Variants in KANK1 observed in about 807,000 individuals in gnomAD.
KANK1 encodes the protein KN motif and ankyrin repeat domain-containing protein 1.
KANK1 carries 109 observed loss-of-function variants against 106.2 expected under a neutral mutation model. That is an observed-to-expected ratio of 1.03 (90% confidence interval 0.88 to 1.20). The LOEUF (loss-of-function observed/expected upper bound fraction) is 1.20, where lower values mean the gene tolerates loss of function less well. Among genes scored for constraint, KANK1 ranks in the 50% most tolerant of loss-of-function variants. The pLI is 0.00. For synonymous variants in KANK1, 873 were observed against 652.2 expected (o/e 1.34, Z -5.16); for missense variants, 2,399 against 1,710.7 (o/e 1.40, Z -7.10).
chr9:580,757 G>A lies in KANK1; in HGVS notation c.-84+76003G>A, dbSNP rs191744984. ...GCAGGCGGAGCTGCCTGCCAGTCCC[G>A]CGCTGTGCGCCCGCACTCCTGAGCC... On this transcript the variant is annotated intron_variant, in intron 1 of 11. Transcript: ENST00000382297. Among the ~76,000 whole-genome samples the A allele has an allele frequency of 3.7e-3, 568 of 152,374 alleles. 3 individuals carry two copies. The highest frequency in any genetic ancestry group is 0.013 in the African/African-American group (545 of 41,594).
At chr9:697,225 A>C (rs938997463) in intron 2 of KANK1, among the ~76,000 whole-genome samples, 1 of 152,012 alleles carries the variant, frequency 6.6e-6, no homozygotes, top group Non-Finnish European at 1.5e-5. Context: ...CATTCTGTAG[A>C]ATGTGTTTCA....
chr9:640,961 C>A (rs1017082885), intron 1 of KANK1, among the ~76,000 whole-genome samples: 3 of 151,742 alleles, frequency 2.0e-5, no homozygotes, highest in Non-Finnish European at 4.4e-5. Flanking sequence ...CTCCCAAAGT[C>A]CAGGGATTAC....
At chr9:564,493 C>G (rs1309767966) in intron 1 of KANK1, among the ~76,000 whole-genome samples, 1 of 152,174 alleles carries the variant, frequency 6.6e-6, no homozygotes, top group Non-Finnish European at 1.5e-5. Context: ...GTGTACATAT[C>G]TCTATTGAGG....
rs759285803 is a variant in KANK1, at chr9:742,199, C to A, written c.3697-6C>A. 3 of 1,613,878 alleles carry A rather than the reference C, an allele frequency of 1.9e-6. No homozygotes were observed. The highest frequency in any genetic ancestry group is 1.1e-5 in the South Asian group (1 of 91,060). On this transcript the variant is annotated splice_polypyrimidine_tract_variant and splice_region_variant and intron_variant, in intron 9 of 11. Coordinates refer to ENST00000382297, the MANE Select transcript of KANK1 (RefSeq NM_015158.5). ...CTTCTGAAGTCCTTGTCATCTCTTC[C>A]CATAGGCGGGACAGACGGCCCTCAT...
intron 1 of KANK1, among the ~76,000 whole-genome samples, chr9:512,334 G>C (rs1402688054): frequency 6.6e-6 from 1 of 152,030 alleles, no homozygotes; most frequent in African/African-American, 2.4e-5. Flanking sequence ...ATACTGCATT[G>C]TGGGCCAACA....
intron 1 of KANK1, among the ~76,000 whole-genome samples, chr9:568,164 C>T (rs80176722): frequency 0.035 from 5,309 of 152,194 alleles, 290 homozygotes; most frequent in African/African-American, 0.12. Flanking sequence ...TGGTTATAAC[C>T]ACTACCTTAT....
chr9:592,130 A>G (rs1391083838), intron 1 of KANK1, among the ~76,000 whole-genome samples: 1 of 151,808 alleles, frequency 6.6e-6, no homozygotes, highest in Non-Finnish European at 1.5e-5. Flanking sequence ...GAAAAGATGC[A>G]AACCTTCTTG....
chr9:504,276 G>T (rs571421816), upstream of KANK1, among the ~76,000 whole-genome samples: 127 of 152,262 alleles, frequency 8.3e-4, no homozygotes, highest in Admixed American at 2.2e-3. Context: ...GGTAAATACG[G>T]GTTGGCAGAA....
upstream of KANK1, among the ~76,000 whole-genome samples, chr9:501,416 A>C (rs777453014): frequency 3.8e-4 from 57 of 151,192 alleles, no homozygotes; most frequent in South Asian, 2.5e-3. Context: ...AAACTTTATA[A>C]AAAAAAAATA....
chr9:661,276 T>A (rs71488139), intron 1 of KANK1, among the ~76,000 whole-genome samples: 1 of 143,032 alleles, frequency 7.0e-6, no homozygotes, highest in Non-Finnish European at 1.6e-5. Flanking sequence ...CCTCCTCTCT[T>A]CCCCCTCCCC....
upstream of KANK1, among the ~76,000 whole-genome samples, chr9:504,416 G>A (rs1198275896): frequency 6.6e-6 from 1 of 151,732 alleles, no homozygotes; most frequent in Non-Finnish European, 1.5e-5. Context: ...GCGCGCAGGC[G>A]CACTGAGGGC....
intron 5 of KANK1, chr9:731,968 CA>C (rs755264406): frequency 7.5e-5 from 12 of 160,042 alleles, no homozygotes; most frequent in Non-Finnish European, 1.5e-4. Context: ...GGAGGGCATA[CA>C]CCAGAAAAAC....
intron 1 of KANK1, among the ~76,000 whole-genome samples, chr9:619,756 T>G (rs1389019775): frequency 3.3e-5 from 5 of 152,194 alleles, no homozygotes; most frequent in Non-Finnish European, 7.3e-5. Context: ...CATTAAAATA[T>G]TAATAATTTG....
At chr9:582,363 A>G (rs148938511) in intron 1 of KANK1, among the ~76,000 whole-genome samples, 1 of 152,298 alleles carries the variant, frequency 6.6e-6, no homozygotes, top group East Asian at 1.9e-4. Context: ...GTAGCCTTCA[A>G]ATTCTTAAGC....
In KANK1 at chr9:730,077, T is replaced by G. The variant is rs188742425; in HGVS notation, c.2725T>G (p.Cys909Gly). The G allele has an allele frequency of 5.0e-4, 803 of 1,614,144 alleles. 7 individuals are homozygous for G. The Admixed American group carries it at 0.013, about 26-fold the overall frequency. ...CAATTATTTGGGATATACCTGTAAG[T>G]GTGGGGGCCTTCAGTCAGGAAGTCC... The part of the protein sequence containing the change: ...TGNYLGYTCK[C>G]GGLQSGSPLS... The change falls in exon 4 of 12, where the codon TGT (cysteine) becomes GGT (glycine). Residue 909 changes from cysteine (C) to glycine (G), a missense_variant. By Grantham distance (159) the Cys-to-Gly change is radical. Transcript: ENST00000382297.
At chr9:702,335 G>A (rs539614374) in intron 2 of KANK1, among the ~76,000 whole-genome samples, 1 of 152,278 alleles carries the variant, frequency 6.6e-6, no homozygotes, top group East Asian at 1.9e-4. Context: ...CAGCTGTCAT[G>A]TAGCTGTTTG....
At chr9:559,379 A>T (rs1402434774) in intron 1 of KANK1, among the ~76,000 whole-genome samples, 1 of 147,764 alleles carries the variant, frequency 6.8e-6, no homozygotes, top group African/African-American at 2.4e-5. Flanking sequence ...TTGAAGGATG[A>T]TGACTTTTTT....
chr9:678,448 A>G lies in KANK1; in HGVS notation c.37+1439A>G, dbSNP rs74981600. 7.4e-3 allele frequency among the ~76,000 whole-genome samples: 1,130 copies of G among 152,252 alleles called. 22 individuals are homozygous for G. Among genetic ancestry groups the G allele is most frequent in the African/African-American group, 0.025 (1,049 of 41,540 alleles). ...TGTAAATGAAGTAAGAAAAATCAGAATTATGGGCAGTGGCTCACACCTGTA... is the reference window on the plus strand; with the variant it reads ...TGTAAATGAAGTAAGAAAAATCAGAGTTATGGGCAGTGGCTCACACCTGTA... On this transcript the variant is annotated intron_variant, in intron 2 of 11. Coordinates refer to ENST00000382297, the MANE Select transcript of KANK1 (RefSeq NM_015158.5).
chr9:734,845 A>C lies in KANK1; in HGVS notation c.3333+10A>C. On this transcript the variant is annotated intron_variant, in intron 7 of 11. Coordinates refer to ENST00000382297, the MANE Select transcript of KANK1 (RefSeq NM_015158.5). ...GACCAGCAAAGATATGGTGAGTCTG[A>C]CCTGCAAACACCATCCCCAGTGTGT... 2 of 1,589,046 alleles carry C rather than the reference A, an allele frequency of 1.3e-6. No homozygotes were observed. Among genetic ancestry groups the C allele is most frequent in the Middle Eastern group, 1.7e-4 (1 of 6,016 alleles).
Sources: gnomAD v4.1 joint callset for allele counts (sites outside exome capture counted in the v4.1 genomes callset) on GRCh38, gnomAD v4.1.1 for gene constraint, MANE v1.5 for transcripts, NCBI Gene and HGNC (gene_info 2026-07-23, HGNC 2026-07-21) for gene names.